AFG2A: variants seen among roughly 807,000 people sequenced by gnomAD.
AFG2A encodes ATPase family gene 2 protein homolog A.
chr4:122,953,257 T>C, the AFG2A span, among the ~76,000 whole-genome samples: 15 of 152,206 alleles, frequency 9.9e-5, no homozygotes, highest in Non-Finnish European at 1.5e-5. Flanking sequence ...TCTCAAGATG[T>C]ATTCCAAGAT....
At chr4:122,942,533 T>C in the AFG2A span, among the ~76,000 whole-genome samples, 7 of 152,148 alleles carry the variant, frequency 4.6e-5, no homozygotes, top group African/African-American at 1.7e-4. Flanking sequence ...TTTTTTTCTT[T>C]ATTAGTCTTG....
At chr4:123,152,792 A>G in the AFG2A span, among the ~76,000 whole-genome samples, 1 of 152,174 alleles carries the variant, frequency 6.6e-6, no homozygotes, top group African/African-American at 2.4e-5. Context: ...CCACACAAAA[A>G]CCTGCATACA....
chr4:122,980,083 C>G, the AFG2A span, among the ~76,000 whole-genome samples: 1 of 152,264 alleles, frequency 6.6e-6, no homozygotes, highest in African/African-American at 2.4e-5. Context: ...CTAAGTAATT[C>G]CATCACCACA....
At chr4:123,007,785 T>C in the AFG2A span, among the ~76,000 whole-genome samples, 1 of 151,752 alleles carries the variant, frequency 6.6e-6, no homozygotes. Flanking sequence ...TAGCTCTGTC[T>C]TCTCAACTCA....
At chr4:123,302,891 C>T in the AFG2A span, among the ~76,000 whole-genome samples, 4 of 152,268 alleles carry the variant, frequency 2.6e-5, no homozygotes, top group South Asian at 8.3e-4. Flanking sequence ...GGTAGATGAG[C>T]CAGTGCTTTT....
At chr4:123,268,432 A>G in the AFG2A span, among the ~76,000 whole-genome samples, 9 of 152,212 alleles carry the variant, frequency 5.9e-5, no homozygotes, top group African/African-American at 2.2e-4. Context: ...CTCAGAAGGA[A>G]CAAAGAAATC....
the AFG2A span, among the ~76,000 whole-genome samples, chr4:123,132,487 T>TTGTGTGTG: frequency 5.2e-3 from 779 of 149,250 alleles, 2 homozygotes; most frequent in African/African-American, 0.018. Flanking sequence ...TGAATTATAT[T>TTGTGTGTG]TGTGTGTGTG....
the AFG2A span, among the ~76,000 whole-genome samples, chr4:123,118,532 A>G: frequency 1.3e-5 from 2 of 151,510 alleles, no homozygotes; most frequent in African/African-American, 4.8e-5. Context: ...AAGAACTACC[A>G]TAGTTATTCA....
At chr4:123,252,572 T>C in the AFG2A span, among the ~76,000 whole-genome samples, 17 of 152,250 alleles carry the variant, frequency 1.1e-4, no homozygotes, top group African/African-American at 3.4e-4. Context: ...ATTTACTGAT[T>C]TATAAATACT....
the AFG2A span, among the ~76,000 whole-genome samples, chr4:123,218,577 A>G: frequency 1.3e-5 from 2 of 152,158 alleles, no homozygotes; most frequent in African/African-American, 4.8e-5. Context: ...ATAATTAGCA[A>G]ATTAATTAAT....
chr4:122,932,046 C>T, the AFG2A span, among the ~76,000 whole-genome samples: 2 of 152,016 alleles, frequency 1.3e-5, no homozygotes, highest in African/African-American at 4.8e-5. Flanking sequence ...GTGGGTGGAT[C>T]GCCTGAACTT....
chr4:122,938,574 ATTTTATTTTAT>A, the AFG2A span, among the ~76,000 whole-genome samples: 1 of 151,884 alleles, frequency 6.6e-6, no homozygotes, highest in African/African-American at 2.4e-5. Flanking sequence ...ATTTTAGGGG[ATTTTATTTTAT>A]TTTTATTTAT....
At chr4:122,940,388 A>G in the AFG2A span, among the ~76,000 whole-genome samples, 1 of 152,158 alleles carries the variant, frequency 6.6e-6, no homozygotes, top group Non-Finnish European at 1.5e-5. Flanking sequence ...GCCAGTGATG[A>G]TGAGCATTTT....
At chr4:123,155,371 C>T in the AFG2A span, among the ~76,000 whole-genome samples, 807 of 152,258 alleles carry the variant, frequency 5.3e-3, 2 homozygotes, top group African/African-American at 0.018. Context: ...AGCCACTGCA[C>T]CCAGTCTTAT....
At chr4:123,169,407 A>C in the AFG2A span, among the ~76,000 whole-genome samples, 1 of 152,202 alleles carries the variant, frequency 6.6e-6, no homozygotes, top group East Asian at 1.9e-4. Flanking sequence ...CCATAAGCCT[A>C]GGAAGGATTA....
the AFG2A span, among the ~76,000 whole-genome samples, chr4:123,268,675 T>C: frequency 6.6e-6 from 1 of 152,176 alleles, no homozygotes; most frequent in African/African-American, 2.4e-5. Flanking sequence ...CATGAAATCA[T>C]ATGTGAAGAT....
chr4:123,230,329 G>A, the AFG2A span, among the ~76,000 whole-genome samples: 10 of 152,094 alleles, frequency 6.6e-5, no homozygotes, highest in Admixed American at 2.0e-4. Flanking sequence ...GGTTCACAGC[G>A]TCTTCACCAG....
At chr4:123,006,399 G>A in the AFG2A span, among the ~76,000 whole-genome samples, 6 of 151,226 alleles carry the variant, frequency 4.0e-5, no homozygotes, top group South Asian at 1.0e-3. Context: ...TTGTGCTTTC[G>A]GTTTATTCAT....
At chr4:123,012,026 A>AGG in the AFG2A span, among the ~76,000 whole-genome samples, 2 of 123,406 alleles carry the variant, frequency 1.6e-5, no homozygotes, top group African/African-American at 6.4e-5. Flanking sequence ...CATGGAGAGA[A>AGG]GGGGTGAGGG....
Sources: gnomAD v4.1 joint callset for allele counts (sites outside exome capture counted in the v4.1 genomes callset) on GRCh38, gnomAD v4.1.1 for gene constraint, MANE v1.5 for transcripts, NCBI Gene and HGNC (gene_info 2026-07-23, HGNC 2026-07-21) for gene names.